The following ZBBX variants were observed in gnomAD, a reference collection of about 807,000 sequenced individuals.
ZBBX encodes zinc finger B-box domain-containing protein 1.
A neutral mutation model predicts 108.5 loss-of-function variants in ZBBX; 101 were observed. The ratio of observed to expected loss-of-function variants is 0.93; its 90% CI spans 0.79 to 1.10. The LOEUF (loss-of-function observed/expected upper bound fraction) is 1.10. Among genes scored for constraint, ZBBX ranks in the 50% least tolerant of loss-of-function variants. The pLI is 0.00. For missense variants in ZBBX, 1,009 were observed against 941.4 expected, an observed-to-expected ratio of 1.07 and a Z score of -0.94; for synonymous variants, 356 against 323.4, an observed-to-expected ratio of 1.10 and a Z score of -1.08.
At chr3:167,310,231 T>C (rs548016751) in intron 16 of ZBBX, among the ~76,000 whole-genome samples, 16 of 152,302 alleles carry the variant, frequency 1.1e-4, no homozygotes, top group African/African-American at 3.8e-4. Flanking sequence ...TCATTGTCCA[T>C]TATCACTATA....
chr3:167,223,389 A>C, the ZBBX span, among the ~76,000 whole-genome samples: 2 of 152,014 alleles, frequency 1.3e-5, no homozygotes, highest in African/African-American at 4.8e-5. Context: ...TAAAGGAATA[A>C]AAAGCCAATT....
intron 16 of ZBBX, among the ~76,000 whole-genome samples, chr3:167,311,845 T>C (rs1487250950): frequency 6.6e-6 from 1 of 152,178 alleles, no homozygotes; most frequent in Non-Finnish European, 1.5e-5. Context: ...TGTAAAATAG[T>C]ACAGCTACTT....
chr3:167,244,566 A>G (rs1178306214), intron 20 of ZBBX, among the ~76,000 whole-genome samples: 4 of 152,230 alleles, frequency 2.6e-5, no homozygotes, highest in African/African-American at 9.6e-5. Context: ...GTTAACAGGA[A>G]CAAAGGTGAT....
At chr3:167,284,937 C>T (rs1381827953) in intron 19 of ZBBX, among the ~76,000 whole-genome samples, 3 of 151,916 alleles carry the variant, frequency 2.0e-5, no homozygotes, top group Admixed American at 2.0e-4. Flanking sequence ...GTTAAAAATG[C>T]CATGATTGAG....
At chr3:167,312,556 C>T (rs1734771317) in intron 16 of ZBBX, among the ~76,000 whole-genome samples, 1 of 152,128 alleles carries the variant, frequency 6.6e-6, no homozygotes, top group Non-Finnish European at 1.5e-5. Context: ...TATAGGAACT[C>T]TCTGTACTTT....
intron 20 of ZBBX, among the ~76,000 whole-genome samples, chr3:167,254,519 T>A (rs930920599): frequency 1.3e-5 from 2 of 152,048 alleles, no homozygotes; most frequent in African/African-American, 4.8e-5. Context: ...AAAATTAAAA[T>A]CCTGACATAT....
the ZBBX span, among the ~76,000 whole-genome samples, chr3:167,201,742 T>G: frequency 6.6e-6 from 1 of 152,086 alleles, no homozygotes; most frequent in Non-Finnish European, 1.5e-5. Flanking sequence ...GTCTCTGCAT[T>G]TTAAATAATC....
At chr3:167,273,520 G>A (rs1008384612) in intron 20 of ZBBX, among the ~76,000 whole-genome samples, 13 of 152,100 alleles carry the variant, frequency 8.5e-5, no homozygotes, top group Non-Finnish European at 1.2e-4. Flanking sequence ...ATTTCACCTC[G>A]TGTCTCTCAT....
intron 11 of ZBBX, among the ~76,000 whole-genome samples, chr3:167,325,234 C>T (rs1577002891): frequency 6.6e-6 from 1 of 152,098 alleles, no homozygotes; most frequent in Non-Finnish European, 1.5e-5. Flanking sequence ...GAAGACATAC[C>T]CGAGACTGGG....
At chr3:167,337,916 T>C (rs1031515133) in intron 9 of ZBBX, among the ~76,000 whole-genome samples, 2 of 152,196 alleles carry the variant, frequency 1.3e-5, no homozygotes, top group Non-Finnish European at 2.9e-5. Context: ...AACCTAAAGA[T>C]AGTTTTATTT....
chr3:167,378,791 A>G (rs1272892963), intron 2 of ZBBX, among the ~76,000 whole-genome samples: 1 of 152,162 alleles, frequency 6.6e-6, no homozygotes, highest in East Asian at 1.9e-4. Context: ...CTGCTCACCA[A>G]GTTTTATTCT....
At chr3:167,261,775 CAAAAAAAAAAAAAA>C in intron 20 of ZBBX, among the ~76,000 whole-genome samples, 1 of 96,256 alleles carries the variant, frequency 1.0e-5, no homozygotes, top group East Asian at 2.9e-4. Flanking sequence ...CTCCCAACTG[CAAAAAAAAAAAAAA>C]AAAAAAAAAA....
chr3:167,382,741 A>G (rs1018726075), upstream of ZBBX, among the ~76,000 whole-genome samples: 4 of 152,138 alleles, frequency 2.6e-5, no homozygotes, highest in Admixed American at 6.5e-5. Context: ...TTTCTAAAAA[A>G]AAGTGTTGCT....
At chr3:167,366,968 C>T in intron 5 of ZBBX, 2 of 454,886 alleles carry the variant, frequency 4.4e-6, no homozygotes, top group South Asian at 3.1e-5. Context: ...AACCAATGCT[C>T]TATTAGAGGG....
At chr3:167,392,604 C>T (rs1748109871) in intron 1 of ZBBX, among the ~76,000 whole-genome samples, 2 of 151,782 alleles carry the variant, frequency 1.3e-5, no homozygotes, top group Non-Finnish European at 2.9e-5. Context: ...CAGCGTATAT[C>T]CCACTGAAAA....
chr3:167,371,538 A>G (rs1746157688), intron 4 of ZBBX, among the ~76,000 whole-genome samples: 1 of 152,146 alleles, frequency 6.6e-6, no homozygotes, highest in African/African-American at 2.4e-5. Context: ...GAGTGCCAGG[A>G]CTATGACTTC....
At chr3:167,294,635 G>A (rs1207124772) in intron 18 of ZBBX, among the ~76,000 whole-genome samples, 1 of 152,086 alleles carries the variant, frequency 6.6e-6, no homozygotes, top group African/African-American at 2.4e-5. Flanking sequence ...ATAGGCATGG[G>A]CAAAGGCTTC....
At chr3:167,227,122 T>C in the ZBBX span, among the ~76,000 whole-genome samples, 17 of 151,922 alleles carry the variant, frequency 1.1e-4, no homozygotes, top group African/African-American at 4.1e-4. Context: ...TAAATACTTA[T>C]TATATTCTTT....
intron 1 of ZBBX, among the ~76,000 whole-genome samples, chr3:167,406,969 T>C (rs1748604258): frequency 6.6e-6 from 1 of 152,210 alleles, no homozygotes; most frequent in Non-Finnish European, 1.5e-5. Flanking sequence ...CCTGACTGCC[T>C]CCTGACATAA....
Sources: allele counts gnomAD v4.1 joint callset (sites outside exome capture counted in the v4.1 genomes callset), GRCh38; gene constraint gnomAD v4.1.1; transcripts MANE v1.5; gene names NCBI Gene and HGNC (gene_info 2026-07-23, HGNC 2026-07-21).